Variants in DNAH11 observed in about 807,000 individuals in gnomAD.
The protein encoded by DNAH11 is axonemal beta dynein heavy chain 11.
A neutral mutation model predicts 526.0 loss-of-function variants in DNAH11; 442 were observed. The ratio of observed to expected loss-of-function variants is 0.84; its 90% CI spans 0.78 to 0.91. DNAH11 has a LOEUF of 0.91. DNAH11 is among the 40% of genes least tolerant of loss of function. The pLI is 0.00. For synonymous variants in DNAH11, 2,461 were observed against 1,935.9 expected (o/e 1.27, Z -7.12); for missense variants, 6,989 against 5,448.7 (o/e 1.28, Z -8.90).
intron 9 of DNAH11, among the ~76,000 whole-genome samples, chr7:21,584,470 C>G (rs1396646341): frequency 6.6e-6 from 1 of 151,990 alleles, no homozygotes; most frequent in Non-Finnish European, 1.5e-5. Flanking sequence ...GGAGAAATAC[C>G]CAATGTAGAT....
intron 66 of DNAH11, among the ~76,000 whole-genome samples, chr7:21,852,231 C>G (rs1213631259): frequency 1.3e-5 from 2 of 151,696 alleles, no homozygotes; most frequent in African/African-American, 4.8e-5. Context: ...GTGGTGAAAC[C>G]CCGTCTCTAC....
chr7:21,616,402 C>G, intron 22 of DNAH11, 110 bp downstream of exon 22: 2 of 783,598 alleles, frequency 2.6e-6, no homozygotes, highest in Non-Finnish European at 4.0e-6. Flanking sequence ...TTATTTACTT[C>G]TAACAGAGTG....
chr7:21,808,774 T>A (rs1789383335), intron 63 of DNAH11, among the ~76,000 whole-genome samples: 1 of 152,248 alleles, frequency 6.6e-6, no homozygotes, highest in South Asian at 2.1e-4. Context: ...TTTCTTTATC[T>A]GCCCATCTGT....
chr7:21,564,937 G>C (rs893292784), intron 6 of DNAH11, among the ~76,000 whole-genome samples: 1 of 151,956 alleles, frequency 6.6e-6, no homozygotes, highest in Non-Finnish European at 1.5e-5. Context: ...ACCTTCCTCT[G>C]TGTCCTCATC....
rs143931664 is a variant in DNAH11, at chr7:21,710,031, A to G, written c.6684-522A>G. Among the ~76,000 whole-genome samples, 195 of 152,350 alleles carry G rather than the reference A, an allele frequency of 1.3e-3. 1 individual carries two copies. Among genetic ancestry groups the G allele is most frequent in the African/African-American group, 2.5e-3 (106 of 41,580 alleles). ...CTGTAGATTTAAAATGTTTTTGCCT[A>G]TACATCTTGTTAAGGAATGATGAGT... is the stretch of plus-strand genomic sequence containing the variant. On this transcript the variant is annotated intron_variant, in intron 40 of 81. Coordinates refer to ENST00000409508, the MANE Select transcript of DNAH11 (RefSeq NM_001277115.2).
Position 21,818,149 on chromosome 7 carries a change from A to G in DNAH11, c.10569-68A>G, listed in dbSNP as rs539496322. The G allele has an allele frequency of 2.4e-3, 3,551 of 1,487,058 alleles. 74 individuals carry two copies. The South Asian group carries it at 0.029, about 12-fold the overall frequency. The allele number at this position is 1,487,058 out of a possible 1,614,324, so 92.1% of individuals were successfully genotyped here. On this transcript the variant is annotated intron_variant, in intron 64 of 81. Coordinates refer to ENST00000409508, the MANE Select transcript of DNAH11 (RefSeq NM_001277115.2). ...TATCTACATTAAATATAATTTGATC[A>G]TTTAAAAAATTTTGAACATTTTGTG...
intron 18 of DNAH11, among the ~76,000 whole-genome samples, chr7:21,602,227 T>G (rs1785118925): frequency 6.6e-6 from 1 of 152,076 alleles, no homozygotes; most frequent in South Asian, 2.1e-4. Context: ...GTAGTCCACC[T>G]ACTCAGGAGG....
At chr7:21,736,187 T>C (rs946197418) in intron 46 of DNAH11, among the ~76,000 whole-genome samples, 4 of 152,234 alleles carry the variant, frequency 2.6e-5, no homozygotes, top group Admixed American at 2.0e-4. Context: ...TTCTGGTTAC[T>C]TTTTCAAGTA....
intron 55 of DNAH11, among the ~76,000 whole-genome samples, chr7:21,770,879 A>G (rs1017450275): frequency 6.6e-6 from 1 of 152,190 alleles, no homozygotes; most frequent in African/African-American, 2.4e-5. Context: ...AAACAGCACT[A>G]TGAAGAGCTT....
At chr7:21,802,946 A>AT (rs1789060396) in intron 62 of DNAH11, among the ~76,000 whole-genome samples, 2 of 149,772 alleles carry the variant, frequency 1.3e-5, no homozygotes, top group African/African-American at 4.9e-5. Context: ...CTATATATAT[A>AT]TAATATATAT....
chr7:21,750,257 G>C lies in DNAH11; in HGVS notation c.8833G>C (p.Asp2945His), dbSNP rs1786356356. 1 of 1,605,936 alleles carries C rather than the reference G, an allele frequency of 6.2e-7. No homozygotes were observed. Among genetic ancestry groups the C allele is most frequent in the South Asian group, 1.1e-5 (1 of 89,046 alleles). The change falls in exon 54 of 82, where the codon GAC (aspartate) becomes CAC (histidine). Residue 2945 changes from aspartate to histidine, a missense_variant. Transcript: ENST00000409508. ...IPDLFSDEDVDKIISGIHNEV... is the reference protein window; with the variant it reads ...IPDLFSDEDVHKIISGIHNEV... Reference sequence around the variant, plus strand: ...AGATCTGTTCAGCGATGAAGATGTGGACAAGATAATTTCTGGAATTCATAA... The same window carrying C: ...AGATCTGTTCAGCGATGAAGATGTGCACAAGATAATTTCTGGAATTCATAA...
chr7:21,840,405 A>G (rs1415067310), intron 65 of DNAH11, among the ~76,000 whole-genome samples: 1 of 152,178 alleles, frequency 6.6e-6, no homozygotes, highest in Non-Finnish European at 1.5e-5. Context: ...TGACATCTAT[A>G]CAATTTAAAT....
At chr7:21,803,965 A>G (rs1206814307) in intron 62 of DNAH11, among the ~76,000 whole-genome samples, 1 of 152,248 alleles carries the variant, frequency 6.6e-6, no homozygotes, top group South Asian at 2.1e-4. Context: ...GCCACCGTTC[A>G]TCTCATGGGA....
intron 2 of DNAH11, 125 bp downstream of exon 2, chr7:21,545,274 TAAAAAAAAAA>T (rs10634177): frequency 1.6e-4 from 21 of 131,786 alleles, no homozygotes; most frequent in South Asian, 1.0e-3. Context: ...TGGGGGTGGT[TAAAAAAAAAA>T]AAAAAAAAAA....
intron 30 of DNAH11, among the ~76,000 whole-genome samples, chr7:21,660,112 C>T (rs1782181917): frequency 6.6e-6 from 1 of 152,038 alleles, no homozygotes; most frequent in African/African-American, 2.4e-5. Flanking sequence ...CTTTGCAATT[C>T]TAGTAACTAC....
chr7:21,567,257 G>T (rs986835023), intron 6 of DNAH11, among the ~76,000 whole-genome samples: 1 of 152,128 alleles, frequency 6.6e-6, no homozygotes, highest in African/African-American at 2.4e-5. Context: ...TACCTTGCAT[G>T]ATATATGTGT....
intron 31 of DNAH11, among the ~76,000 whole-genome samples, chr7:21,682,421 G>T (rs1562488086): frequency 6.6e-6 from 1 of 151,490 alleles, no homozygotes; most frequent in Non-Finnish European, 1.5e-5. Flanking sequence ...AGCTACTTGG[G>T]AGGCTGAGGC....
At chr7:21,882,347 C>G (rs1014431078) in intron 75 of DNAH11, among the ~76,000 whole-genome samples, 3 of 152,114 alleles carry the variant, frequency 2.0e-5, no homozygotes, top group African/African-American at 7.2e-5. Flanking sequence ...TCTCATGTTT[C>G]TCAGTCATTT....
At chr7:21,784,357 C>T (rs1334618963) in intron 57 of DNAH11, 70 bp from the exon 58 acceptor site, 16 of 1,179,832 alleles carry the variant, frequency 1.4e-5, no homozygotes, top group South Asian at 2.6e-5. Flanking sequence ...CTGAGTCAAC[C>T]TCCATTTTTC....
Sources: allele counts gnomAD v4.1 joint callset (sites outside exome capture counted in the v4.1 genomes callset), GRCh38; gene constraint gnomAD v4.1.1; transcripts MANE v1.5; gene names NCBI Gene and HGNC (gene_info 2026-07-23, HGNC 2026-07-21).